The following CCDC93 variants were observed in gnomAD, a reference collection of about 807,000 sequenced individuals.
CCDC93 encodes the protein CCC complex scaffolding subunit CCDC93.
CCDC93 carries 61 observed loss-of-function variants against 108.2 expected under a neutral mutation model. That is an observed-to-expected ratio of 0.56 (90% confidence interval 0.46 to 0.70). CCDC93 has a LOEUF of 0.70. CCDC93 is among the 30% of genes least tolerant of loss of function. The probability of loss-of-function intolerance (pLI) is 0.00; values close to 1 mark genes in which losing one functional copy is unlikely to be tolerated. For missense variants in CCDC93, 685 were observed against 764.2 expected (o/e 0.90, Z 1.22); for synonymous variants, 276 against 260.4 (o/e 1.06, Z -0.58).
chr2:117,985,034 G>T lies in CCDC93; in HGVS notation c.620+935C>A, dbSNP rs2104798645. On this transcript the variant is annotated intron_variant, in intron 7 of 23. Transcript: ENST00000376300. Reference sequence around the variant, plus strand: ...TGGAGGAGGCATTCAATTCACAGCAGCAACTAGTGAACTGTGGGGGCAGCC... The same window carrying T: ...TGGAGGAGGCATTCAATTCACAGCATCAACTAGTGAACTGTGGGGGCAGCC... 2.0e-5 allele frequency among the ~76,000 whole-genome samples: 3 copies of T among 152,104 alleles called. No individual in the cohort carries two copies. In the Middle Eastern group the frequency reaches 0.01, roughly 517 times the overall value.
At chr2:117,990,107 T>G (rs1274747663) in intron 6 of CCDC93, among the ~76,000 whole-genome samples, 1 of 152,228 alleles carries the variant, frequency 6.6e-6, no homozygotes, top group Non-Finnish European at 1.5e-5. Flanking sequence ...TGTGGGCACC[T>G]GTTATTCAAG....
At chr2:118,000,982 T>C in intron 3 of CCDC93, 50 bp from the exon 4 acceptor site, 1 of 1,094,514 alleles carries the variant, frequency 9.1e-7, no homozygotes, top group Non-Finnish European at 1.4e-6. Flanking sequence ...AAGTAGCCTT[T>C]ATGGCATCTC....
At chr2:117,945,468 G>C in intron 17 of CCDC93, 61 bp downstream of exon 17, 2 of 1,374,904 alleles carry the variant, frequency 1.5e-6, no homozygotes, top group East Asian at 4.6e-5. Context: ...TCACAGGAGA[G>C]TGGAAAGCTG....
intron 6 of CCDC93, among the ~76,000 whole-genome samples, chr2:117,994,857 T>C (rs114370981): frequency 4.5e-4 from 69 of 152,358 alleles, no homozygotes; most frequent in African/African-American, 1.6e-3. Context: ...CTTCATTCCC[T>C]TCAGCTCAGG....
At chr2:117,945,646 G>C (rs896021698) in intron 16 of CCDC93, 64 bp from the exon 17 acceptor site, 53 of 1,436,584 alleles carry the variant, frequency 3.7e-5, no homozygotes, top group South Asian at 1.1e-4. Flanking sequence ...AGAAGCCAAG[G>C]ATCTAGATGT....
At chr2:117,922,528 G>C (rs1275709996) in intron 23 of CCDC93, among the ~76,000 whole-genome samples, 1 of 152,180 alleles carries the variant, frequency 6.6e-6, no homozygotes, top group Non-Finnish European at 1.5e-5. Flanking sequence ...TTAGTATCAT[G>C]ACCTGATGGC....
intron 4 of CCDC93, 72 bp downstream of exon 4, chr2:118,000,749 T>C: frequency 2.1e-6 from 2 of 961,064 alleles, no homozygotes; most frequent in Non-Finnish European, 3.3e-6. Context: ...GACGGACCCA[T>C]TACAGGACAA....
chr2:117,927,229 T>G (rs1678143771), intron 23 of CCDC93, among the ~76,000 whole-genome samples: 1 of 152,114 alleles, frequency 6.6e-6, no homozygotes, highest in South Asian at 2.1e-4. Flanking sequence ...ATTCCCTCTC[T>G]CACCACTCCT....
intron 11 of CCDC93, among the ~76,000 whole-genome samples, chr2:117,959,743 A>G (rs745693303): frequency 9.2e-5 from 14 of 152,240 alleles, no homozygotes; most frequent in Non-Finnish European, 1.3e-4. Context: ...AAACAGAAAA[A>G]CTAAGCATTT....
chr2:117,973,807 A>G, intron 11 of CCDC93, 101 bp downstream of exon 11: 1 of 871,798 alleles, frequency 1.1e-6, no homozygotes, highest in Non-Finnish European at 1.9e-6. Flanking sequence ...GTGAGTTACA[A>G]GAGAACACGG....
intron 11 of CCDC93, among the ~76,000 whole-genome samples, chr2:117,970,696 A>G (rs908991532): frequency 2.0e-5 from 3 of 152,240 alleles, no homozygotes; most frequent in Non-Finnish European, 2.9e-5. Context: ...CTTATTAGTT[A>G]CATGGTACTG....
intron 6 of CCDC93, among the ~76,000 whole-genome samples, chr2:117,987,851 T>C (rs1007906063): frequency 1.4e-4 from 22 of 152,228 alleles, no homozygotes; most frequent in Non-Finnish European, 2.5e-4. Context: ...TTATCACTTA[T>C]TGAATAGTAG....
At chr2:117,947,813 C>A (rs938072934) in intron 15 of CCDC93, among the ~76,000 whole-genome samples, 2 of 151,696 alleles carry the variant, frequency 1.3e-5, no homozygotes, top group Non-Finnish European at 2.9e-5. Context: ...CCTGCCTCAG[C>A]CTCCCGAGTA....
intron 6 of CCDC93, among the ~76,000 whole-genome samples, chr2:117,988,382 G>A (rs997134087): frequency 2.0e-5 from 3 of 152,086 alleles, no homozygotes; most frequent in East Asian, 3.9e-4. Context: ...ATCCCTGATC[G>A]CTTCCCTCAC....
chr2:118,001,262 G>A (rs1173741169), intron 3 of CCDC93: 1 of 183,896 alleles, frequency 5.4e-6, no homozygotes, highest in East Asian at 1.4e-4. Flanking sequence ...AAGATAAAAA[G>A]TTATTAGTGC....
At chr2:118,010,760 T>C (rs1677002101) in intron 1 of CCDC93, among the ~76,000 whole-genome samples, 1 of 152,184 alleles carries the variant, frequency 6.6e-6, no homozygotes, top group Non-Finnish European at 1.5e-5. Context: ...CAAACTATCT[T>C]TTCAGGTTCA....
chr2:118,000,803 CCA>C lies in CCDC93; in HGVS notation c.363+16_363+17del, dbSNP rs765374107. ...ATTCTGATGTTAAGAGGACAAGAAA[CCA>C]CACAGAGGCTCTCACCTGAACAACA... On this transcript the variant is annotated intron_variant, in intron 4 of 23. Coordinates refer to ENST00000376300, the MANE Select transcript of CCDC93 (RefSeq NM_019044.5). 6.5e-7 allele frequency: 1 copy of C among 1,527,852 alleles called. No individual in the cohort carries two copies. The highest frequency in any genetic ancestry group is 2.2e-5 in the East Asian group (1 of 44,462). The allele number at this position is 1,527,852 out of a possible 1,614,324, so 94.6% of individuals were successfully genotyped here. A position where few individuals can be genotyped will look rare whatever the true frequency, so the allele number is the denominator to read the frequency against.
chr2:117,996,199 A>T, intron 5 of CCDC93, 65 bp downstream of exon 5: 1 of 1,089,582 alleles, frequency 9.2e-7, no homozygotes, highest in Non-Finnish European at 1.4e-6. Context: ...GCTCCTTGCT[A>T]GAGAGTCTCT....
chr2:117,933,419 C>A (rs1232009194), intron 22 of CCDC93, among the ~76,000 whole-genome samples: 2 of 152,216 alleles, frequency 1.3e-5, no homozygotes, highest in East Asian at 3.9e-4. Context: ...TCTTCACACC[C>A]TAGGTCTGTG....
Sources: allele counts gnomAD v4.1 joint callset (sites outside exome capture counted in the v4.1 genomes callset), GRCh38; gene constraint gnomAD v4.1.1; transcripts MANE v1.5; gene names NCBI Gene and HGNC (gene_info 2026-07-23, HGNC 2026-07-21).